Variants in RTN1 observed in about 807,000 individuals in gnomAD.
The protein encoded by RTN1 is reticulon 1.
Under a neutral mutation model 65.5 loss-of-function variants are expected in RTN1, and 25 were observed. The ratio of observed to expected loss-of-function variants is 0.38; its 90% CI spans 0.28 to 0.53. RTN1 has a LOEUF of 0.53. RTN1 is among the 20% of genes least tolerant of loss of function. RTN1 has a pLI of 0.79. For missense variants in RTN1, 983 were observed against 1,025.4 expected (o/e 0.96, Z 0.57); for synonymous variants, 471 against 447.6 (o/e 1.05, Z -0.66).
At chr14:59,705,065 C>A (rs1315227288) in intron 3 of RTN1, among the ~76,000 whole-genome samples, 1 of 152,078 alleles carries the variant, frequency 6.6e-6, no homozygotes, top group African/African-American at 2.4e-5. Flanking sequence ...TTCCTTTGTG[C>A]CTAGAAGCAC....
intron 3 of RTN1, among the ~76,000 whole-genome samples, chr14:59,711,269 T>C (rs1884412758): frequency 6.6e-6 from 1 of 152,220 alleles, no homozygotes; most frequent in Non-Finnish European, 1.5e-5. Context: ...CCCACAGTGA[T>C]ATCACCTTCT....
In RTN1 at chr14:59,727,644, C is replaced by T. The variant is rs557715486; in HGVS notation, c.1040G>A (p.Gly347Glu). 6.2e-7 allele frequency: 1 copy of T among 1,606,928 alleles called. No individual in the cohort carries two copies. The highest frequency in any genetic ancestry group is 1.3e-5 in the African/African-American group (1 of 74,838). ...GTEPSAAESQ[G>E]KGSISEDELI... ...CTCATCCTCGGAGATGCTGCCTTTC[C>T]CCTGGGATTCTGCAGCAGATGGTTC... The change falls in exon 3 of 9, where the codon GGG (glycine) becomes GAG (glutamate). Residue 347 changes from glycine to glutamate, a missense_variant. Around this residue, in one of 2 missense-constraint regions of RTN1, gnomAD observed 818 missense variants for 801.8 expected, o/e 1.02. Coordinates refer to ENST00000267484, the MANE Select transcript of RTN1 (RefSeq NM_021136.3). This position sits in a 1 kb window ranked among gnomAD's most constrained non-coding sequence, Gnocchi z 4.2.
At chr14:59,656,871 A>T (rs1421668644) in intron 3 of RTN1, among the ~76,000 whole-genome samples, 1 of 152,222 alleles carries the variant, frequency 6.6e-6, no homozygotes, top group Non-Finnish European at 1.5e-5. Context: ...TCAGTTCCTC[A>T]GACTTCTGCT....
intron 3 of RTN1, among the ~76,000 whole-genome samples, chr14:59,641,373 T>C (rs1047615279): frequency 1.3e-5 from 2 of 152,118 alleles, no homozygotes; most frequent in African/African-American, 2.4e-5. Context: ...TTTATTTATT[T>C]ATTTGTTTGT....
chr14:59,835,196 C>A (rs1434484935), intron 1 of RTN1, among the ~76,000 whole-genome samples: 1 of 150,890 alleles, frequency 6.6e-6, no homozygotes, highest in Non-Finnish European at 1.5e-5. Context: ...CTGATACACA[C>A]AACAACATGA....
chr14:59,837,497 A>C (rs1887234135), intron 1 of RTN1, among the ~76,000 whole-genome samples: 1 of 152,104 alleles, frequency 6.6e-6, no homozygotes, highest in Non-Finnish European at 1.5e-5. Context: ...ACCATTAAAA[A>C]CATCAAATAA....
intron 1 of RTN1, among the ~76,000 whole-genome samples, chr14:59,805,978 T>C (rs115105853): frequency 0.012 from 1,857 of 152,216 alleles, 35 homozygotes; most frequent in African/African-American, 0.041. Context: ...TGGCTCATGC[T>C]TGTAATCCCC....
intron 3 of RTN1, among the ~76,000 whole-genome samples, chr14:59,662,987 G>A (rs1181273332): frequency 6.6e-6 from 1 of 152,100 alleles, no homozygotes; most frequent in Non-Finnish European, 1.5e-5. Context: ...GAACAAAGCT[G>A]GAGGCATCAT....
intron 3 of RTN1, among the ~76,000 whole-genome samples, chr14:59,642,406 G>A (rs1001455816): frequency 9.2e-5 from 14 of 151,706 alleles, no homozygotes; most frequent in Non-Finnish European, 1.8e-4. Context: ...TATTCCTTCC[G>A]ACCCATTTTC....
chr14:59,623,029 A>G (rs902313487), intron 3 of RTN1, among the ~76,000 whole-genome samples: 1 of 152,260 alleles, frequency 6.6e-6, no homozygotes, highest in Non-Finnish European at 1.5e-5. Context: ...ATAGTAAAAG[A>G]GCATAGCATT....
At chr14:59,627,831 T>C (rs1287600690) in intron 3 of RTN1, among the ~76,000 whole-genome samples, 1 of 152,200 alleles carries the variant, frequency 6.6e-6, no homozygotes, top group Non-Finnish European at 1.5e-5. Flanking sequence ...CTCCATGTAG[T>C]ATTTAATAAC....
chr14:59,655,328 C>G (rs906569247), intron 3 of RTN1, among the ~76,000 whole-genome samples: 1 of 152,094 alleles, frequency 6.6e-6, no homozygotes, highest in African/African-American at 2.4e-5. Context: ...AATGAAATGA[C>G]TTTTTTTGTT....
chr14:59,732,327 C>G (rs555373698), intron 2 of RTN1, among the ~76,000 whole-genome samples: 2 of 152,064 alleles, frequency 1.3e-5, no homozygotes, highest in African/African-American at 4.8e-5. Context: ...CCAAGATGGC[C>G]GAATAGAATC....
chr14:59,624,389 G>A (rs1424589364), intron 3 of RTN1, among the ~76,000 whole-genome samples: 4 of 152,088 alleles, frequency 2.6e-5, no homozygotes, highest in Admixed American at 2.6e-4. Context: ...AATCATTAAT[G>A]TCAAATTCCT....
intron 3 of RTN1, among the ~76,000 whole-genome samples, chr14:59,643,073 A>G (rs1882812748): frequency 6.6e-6 from 1 of 152,164 alleles, no homozygotes; most frequent in Non-Finnish European, 1.5e-5. Flanking sequence ...TTGAAATGTG[A>G]TTGTTTTAGG....
chr14:59,809,202 C>T (rs1270793624), intron 1 of RTN1, among the ~76,000 whole-genome samples: 1 of 152,074 alleles, frequency 6.6e-6, no homozygotes, highest in African/African-American at 2.4e-5. Context: ...GAACTGATAA[C>T]AACTCTAGCT....
chr14:59,680,572 T>C (rs992386496), intron 3 of RTN1, among the ~76,000 whole-genome samples: 2 of 152,210 alleles, frequency 1.3e-5, no homozygotes, highest in Non-Finnish European at 2.9e-5. Context: ...ATTTAGTGTG[T>C]CCAGGCATTG....
chr14:59,716,927 C>T (rs565670570), intron 3 of RTN1, among the ~76,000 whole-genome samples: 23 of 150,892 alleles, frequency 1.5e-4, no homozygotes, highest in African/African-American at 5.3e-4. Context: ...GAGATCATGC[C>T]ACTACACTCC....
chr14:59,660,422 A>T (rs1883219362), intron 3 of RTN1, among the ~76,000 whole-genome samples: 1 of 152,158 alleles, frequency 6.6e-6, no homozygotes, highest in Non-Finnish European at 1.5e-5. Flanking sequence ...TCCACCCCAA[A>T]TCAACAGAAT....
Sources: gnomAD v4.1 joint callset for allele counts (sites outside exome capture counted in the v4.1 genomes callset) on GRCh38, gnomAD v4.1.1 for gene constraint, gnomAD v4.1.1 regional missense constraint, Gnocchi (gnomAD v3.1) non-coding constraint, MANE v1.5 for transcripts, NCBI Gene and HGNC (gene_info 2026-07-23, HGNC 2026-07-21) for gene names.